CRPPA: variants seen among roughly 807,000 people sequenced by gnomAD.
The protein encoded by CRPPA is D-ribitol-5-phosphate cytidylyltransferase.
In CRPPA, 43 loss-of-function variants were observed where a neutral mutation model predicts 52.0. The observed-to-expected ratio is 0.83, with a 90% CI of 0.65 to 1.07. CRPPA has a LOEUF of 1.07. Among genes scored for constraint, CRPPA ranks in the 50% least tolerant of loss-of-function variants. The pLI is 0.00. For synonymous variants in CRPPA, 250 were observed against 203.5 expected, an observed-to-expected ratio of 1.23 and a Z score of -1.94; for missense variants, 629 against 551.7, an observed-to-expected ratio of 1.14 and a Z score of -1.40.
At chr7:16,170,246 T>A (rs114317305) in intron 9 of CRPPA, among the ~76,000 whole-genome samples, 38 of 152,306 alleles carry the variant, frequency 2.5e-4, no homozygotes, top group African/African-American at 9.1e-4. Context: ...CAATTACACA[T>A]AATTGATCAG....
At chr7:16,162,037 C>T (rs1780910791) in intron 9 of CRPPA, among the ~76,000 whole-genome samples, 2 of 152,048 alleles carry the variant, frequency 1.3e-5, no homozygotes, top group Admixed American at 1.3e-4. Flanking sequence ...GTGATCTCCC[C>T]TTTATCATTT....
chr7:16,412,705 A>C (rs530659774), intron 1 of CRPPA, among the ~76,000 whole-genome samples: 1 of 152,214 alleles, frequency 6.6e-6, no homozygotes, highest in Non-Finnish European at 1.5e-5. Flanking sequence ...TATTTGCTGA[A>C]TAAAGAGATC....
chr7:16,403,175 C>A (rs1317352291), intron 2 of CRPPA, among the ~76,000 whole-genome samples: 2 of 152,014 alleles, frequency 1.3e-5, no homozygotes. Flanking sequence ...ATTTTATACC[C>A]AGAAAAACTA....
intron 9 of CRPPA, among the ~76,000 whole-genome samples, chr7:16,161,448 G>A (rs1218166162): frequency 6.6e-6 from 1 of 152,138 alleles, no homozygotes; most frequent in Non-Finnish European, 1.5e-5. Flanking sequence ...TAATCATGTG[G>A]TTTTTGTCAT....
chr7:16,195,272 G>T (rs1196748903), intron 9 of CRPPA, among the ~76,000 whole-genome samples: 1 of 152,076 alleles, frequency 6.6e-6, no homozygotes, highest in Non-Finnish European at 1.5e-5. Context: ...AAGTGTCAAA[G>T]AACTATTCCT....
At chr7:16,101,361 G>A (rs1399493702) in intron 9 of CRPPA, among the ~76,000 whole-genome samples, 1 of 151,944 alleles carries the variant, frequency 6.6e-6, no homozygotes, top group African/African-American at 2.4e-5. Context: ...ACTACTTCCT[G>A]GTTAGTTTAG....
chr7:16,341,060 A>G (rs1445388414), intron 3 of CRPPA, among the ~76,000 whole-genome samples: 3 of 152,190 alleles, frequency 2.0e-5, no homozygotes, highest in Admixed American at 2.0e-4. Context: ...CTACGGAGAC[A>G]GTAAAATCAT....
intron 9 of CRPPA, among the ~76,000 whole-genome samples, chr7:16,093,363 A>T (rs1329993836): frequency 6.6e-6 from 1 of 152,154 alleles, no homozygotes; most frequent in Non-Finnish European, 1.5e-5. Flanking sequence ...TTTAGCCTAA[A>T]GCCTGGCAAT....
chr7:16,122,968 C>A (rs1447399010), intron 9 of CRPPA, among the ~76,000 whole-genome samples: 3 of 151,910 alleles, frequency 2.0e-5, no homozygotes, highest in Non-Finnish European at 2.9e-5. Context: ...TAGAAGGAAT[C>A]AAGTAGGTGT....
chr7:16,121,419 T>A (rs921444469), intron 9 of CRPPA, among the ~76,000 whole-genome samples: 2 of 151,980 alleles, frequency 1.3e-5, no homozygotes, highest in Non-Finnish European at 2.9e-5. Flanking sequence ...ATAAAAAAAA[T>A]TACCTAGTTA....
At chr7:16,111,555 A>T (rs1295633766) in intron 9 of CRPPA, among the ~76,000 whole-genome samples, 1 of 152,366 alleles carries the variant, frequency 6.6e-6, no homozygotes, top group East Asian at 1.9e-4. Flanking sequence ...TTGTTTAAGA[A>T]GATGCAGTAC....
At chr7:16,370,097 T>G (rs980615346) in intron 3 of CRPPA, among the ~76,000 whole-genome samples, 1 of 152,192 alleles carries the variant, frequency 6.6e-6, no homozygotes, top group Non-Finnish European at 1.5e-5. Context: ...AAGCCATTCC[T>G]GACTATATTT....
chr7:16,197,774 G>T (rs900628673), intron 9 of CRPPA, among the ~76,000 whole-genome samples: 1 of 150,600 alleles, frequency 6.6e-6, no homozygotes, highest in Non-Finnish European at 1.5e-5. Context: ...GTAGAAAGAA[G>T]TAGACATAGG....
chr7:16,317,506 C>A (rs79154223), intron 3 of CRPPA, among the ~76,000 whole-genome samples: 4,465 of 152,246 alleles, frequency 0.029, 222 homozygotes, highest in African/African-American at 0.099. Context: ...TATGCATCAT[C>A]TTCTCCTTCT....
chr7:16,397,307 A>G (rs1023463405), intron 2 of CRPPA, among the ~76,000 whole-genome samples: 3 of 152,224 alleles, frequency 2.0e-5, no homozygotes, highest in Non-Finnish European at 4.4e-5. Context: ...ACTGACATGT[A>G]ACTGACACGT....
At chr7:16,295,121 T>C (rs930451622) in intron 5 of CRPPA, among the ~76,000 whole-genome samples, 17 of 152,234 alleles carry the variant, frequency 1.1e-4, no homozygotes, top group Admixed American at 3.3e-4. Flanking sequence ...CTACTTTCAA[T>C]GTATAAATAT....
intron 9 of CRPPA, among the ~76,000 whole-genome samples, chr7:16,182,467 G>A (rs2128387979): frequency 6.6e-6 from 1 of 152,114 alleles, no homozygotes; most frequent in African/African-American, 2.4e-5. Context: ...TAACATCTTG[G>A]TCCATTGTTA....
At position 16,368,692 on chromosome 7, in the gene CRPPA, AT is replaced by A. The variant is rs1316955518; in HGVS notation, c.684+7399del. 3.3e-5 allele frequency among the ~76,000 whole-genome samples: 5 copies of A among 152,194 alleles called. No individual in the cohort carries two copies. The South Asian group carries it at 1.0e-3, about 31-fold the overall frequency. On this transcript the variant is annotated intron_variant, in intron 3 of 9. Transcript: ENST00000407010. ...TTCATGATCAAATTCTGCAAAAATA[AT>A]TTTTAGTGACCCTTTAAAGCTTCTA...
chr7:16,372,476 C>CT (rs1786773856), intron 3 of CRPPA, among the ~76,000 whole-genome samples: 1 of 152,162 alleles, frequency 6.6e-6, no homozygotes, highest in East Asian at 1.9e-4. Context: ...GAGATAAAAT[C>CT]TTTTTCACAC....
Sources: allele counts gnomAD v4.1 joint callset (sites outside exome capture counted in the v4.1 genomes callset), GRCh38; gene constraint gnomAD v4.1.1; transcripts MANE v1.5; gene names NCBI Gene and HGNC (gene_info 2026-07-23, HGNC 2026-07-21).